Variants in GRIK1 observed in about 807,000 individuals in gnomAD.
The protein encoded by GRIK1 is glutamate receptor ionotropic, kainate 1.
In GRIK1, 69 loss-of-function variants were observed where a neutral mutation model predicts 105.7. That is an observed-to-expected ratio of 0.65 (90% CI 0.54 to 0.80). The LOEUF (loss-of-function observed/expected upper bound fraction) is 0.80, where lower values mean the gene tolerates loss of function less well. GRIK1 is among the 30% of genes least tolerant of loss of function. GRIK1 has a pLI of 0.00. For missense variants in GRIK1, 1,109 were observed against 1,167.3 expected (o/e 0.95, Z 0.73); for synonymous variants, 438 against 431.3 (o/e 1.02, Z -0.19).
chr21:29,782,494 A>T (rs2066150898), intron 1 of GRIK1, among the ~76,000 whole-genome samples: 1 of 152,196 alleles, frequency 6.6e-6, no homozygotes, highest in Non-Finnish European at 1.5e-5. Flanking sequence ...TCAGAAGGGC[A>T]AGGGGTGGTC....
intron 1 of GRIK1, among the ~76,000 whole-genome samples, chr21:29,870,158 A>G (rs1247464846): frequency 6.6e-6 from 1 of 152,200 alleles, no homozygotes; most frequent in Non-Finnish European, 1.5e-5. Flanking sequence ...TTTTAAACAC[A>G]TAATAGTGTA....
chr21:29,711,096 A>C (rs1396460870), intron 1 of GRIK1, among the ~76,000 whole-genome samples: 1 of 152,042 alleles, frequency 6.6e-6, no homozygotes, highest in African/African-American at 2.4e-5. Context: ...TTATATAGTT[A>C]TTTCAGTGTT....
At position 29,802,911 on chromosome 21, in the gene GRIK1, A is replaced by G. The variant is rs534345885; in HGVS notation, c.119-108848T>C. ...GCATGTTCCTTGAGGGAGGCACTAT[A>G]TAACGCTGGATGCATGGCTGAAATG... On this transcript the variant is annotated intron_variant, in intron 1 of 17. Coordinates refer to ENST00000327783, the MANE Select transcript of GRIK1 (RefSeq NM_001330994.2). Among the ~76,000 whole-genome samples, 144 of 152,314 alleles carry G rather than the reference A, an allele frequency of 9.5e-4. 1 individual carries two copies. The highest frequency in any genetic ancestry group is 3.4e-3 in the African/African-American group (142 of 41,588).
chr21:29,568,138 A>G (rs1247670004), intron 14 of GRIK1, among the ~76,000 whole-genome samples: 1 of 152,216 alleles, frequency 6.6e-6, no homozygotes, highest in African/African-American at 2.4e-5. Flanking sequence ...CCAGCCTTTG[A>G]AAAAGGTTGA....
At chr21:29,752,111 C>A (rs1439900849) in intron 1 of GRIK1, among the ~76,000 whole-genome samples, 1 of 152,214 alleles carries the variant, frequency 6.6e-6, no homozygotes, top group Non-Finnish European at 1.5e-5. Flanking sequence ...AAGTTTCCCT[C>A]TGGTTCAAGA....
intron 1 of GRIK1, among the ~76,000 whole-genome samples, chr21:29,848,779 A>ATATATATTTTTTTTTTTTT: frequency 1.3e-5 from 1 of 77,882 alleles, no homozygotes; most frequent in African/African-American, 5.8e-5. Context: ...ATATATATAT[A>ATATATATTTTTTTTTTTTT]TTTTTTTTTT....
intron 1 of GRIK1, among the ~76,000 whole-genome samples, chr21:29,845,791 T>C (rs1444657677): frequency 1.3e-5 from 2 of 152,174 alleles, no homozygotes; most frequent in African/African-American, 2.4e-5. Context: ...CATTTTTCTA[T>C]GGAATTAGTA....
intron 1 of GRIK1, among the ~76,000 whole-genome samples, chr21:29,837,741 T>TAAGATTTAG (rs1203932758): frequency 2.6e-5 from 4 of 151,640 alleles, no homozygotes; most frequent in Non-Finnish European, 5.9e-5. Context: ...ACTGTGATCA[T>TAAGATTTAG]AAGATTTAGA....
chr21:29,882,082 A>C (rs1003487294), intron 1 of GRIK1, among the ~76,000 whole-genome samples: 3 of 152,138 alleles, frequency 2.0e-5, no homozygotes, highest in Non-Finnish European at 4.4e-5. Flanking sequence ...GAACAGAGAC[A>C]AATTAAACAA....
intron 1 of GRIK1, among the ~76,000 whole-genome samples, chr21:29,758,520 C>T (rs1277391824): frequency 2.6e-5 from 4 of 152,256 alleles, no homozygotes; most frequent in East Asian, 3.9e-4. Context: ...GTCCCTCCCC[C>T]GACATATGGG....
intron 4 of GRIK1, among the ~76,000 whole-genome samples, chr21:29,665,782 C>A (rs1442666373): frequency 2.0e-5 from 3 of 152,172 alleles, no homozygotes; most frequent in Non-Finnish European, 4.4e-5. Flanking sequence ...AGGATGTGAG[C>A]AACATGGGTG....
intron 1 of GRIK1, among the ~76,000 whole-genome samples, chr21:29,928,957 C>G (rs996571630): frequency 6.6e-6 from 1 of 152,214 alleles, no homozygotes; most frequent in Non-Finnish European, 1.5e-5. Flanking sequence ...AAGGTCCTCA[C>G]TTTGATGTGT....
chr21:29,794,618 G>A (rs897451924), intron 1 of GRIK1, among the ~76,000 whole-genome samples: 7 of 152,172 alleles, frequency 4.6e-5, no homozygotes, highest in Non-Finnish European at 1.0e-4. Flanking sequence ...ATAGTACCTA[G>A]GCAGTTGCAT....
intron 1 of GRIK1, among the ~76,000 whole-genome samples, chr21:29,738,330 A>G (rs1338184835): frequency 6.6e-6 from 1 of 152,228 alleles, no homozygotes; most frequent in Non-Finnish European, 1.5e-5. Flanking sequence ...AATAATTACA[A>G]CCATCTTCCC....
At chr21:29,659,269 C>A (rs969797350) in intron 4 of GRIK1, among the ~76,000 whole-genome samples, 2 of 152,024 alleles carry the variant, frequency 1.3e-5, no homozygotes, top group Non-Finnish European at 2.9e-5. Context: ...AATTTTTCCC[C>A]ATATAAACGA....
chr21:29,777,228 A>T (rs909029220), intron 1 of GRIK1, among the ~76,000 whole-genome samples: 2 of 152,196 alleles, frequency 1.3e-5, no homozygotes, highest in African/African-American at 4.8e-5. Context: ...GAAGTGGGTC[A>T]AACTTCAACC....
chr21:29,782,527 A>G (rs2066152233), intron 1 of GRIK1, among the ~76,000 whole-genome samples: 1 of 152,180 alleles, frequency 6.6e-6, no homozygotes, highest in Non-Finnish European at 1.5e-5. Flanking sequence ...ATGGAGTATC[A>G]TGAGGTCTAG....
chr21:29,781,080 C>A (rs922593280), intron 1 of GRIK1, among the ~76,000 whole-genome samples: 1 of 152,118 alleles, frequency 6.6e-6, no homozygotes, highest in Non-Finnish European at 1.5e-5. Flanking sequence ...CATAGGTGAG[C>A]ATTAAAATGC....
chr21:29,782,337 T>C (rs560245621), intron 1 of GRIK1, among the ~76,000 whole-genome samples: 117 of 152,146 alleles, frequency 7.7e-4, no homozygotes, highest in Non-Finnish European at 1.3e-3. Flanking sequence ...CTGCCCTCCT[T>C]GGCCTCCCAA....
Sources: allele counts gnomAD v4.1 joint callset (sites outside exome capture counted in the v4.1 genomes callset), GRCh38; gene constraint gnomAD v4.1.1; transcripts MANE v1.5; gene names NCBI Gene and HGNC (gene_info 2026-07-23, HGNC 2026-07-21).